The following ULK4 variants were observed in gnomAD, a reference collection of about 807,000 sequenced individuals.
ULK4 encodes inactive serine/threonine-protein kinase ULK4.
Under a neutral mutation model 160.6 loss-of-function variants are expected in ULK4, and 133 were observed. The observed-to-expected ratio is 0.83, with a 90% CI of 0.72 to 0.96. The LOEUF (loss-of-function observed/expected upper bound fraction) is 0.96. Among genes scored for constraint, ULK4 ranks in the 40% least tolerant of loss-of-function variants. The probability of loss-of-function intolerance (pLI) is 0.00; values close to 1 mark genes in which losing one functional copy is unlikely to be tolerated. For synonymous variants in ULK4, 534 were observed against 539.8 expected, an observed-to-expected ratio of 0.99 and a Z score of 0.15; for missense variants, 1,580 against 1,499.5, an observed-to-expected ratio of 1.05 and a Z score of -0.89.
chr3:41,602,320 G>C (rs1447889978), intron 31 of ULK4, among the ~76,000 whole-genome samples: 2 of 121,518 alleles, frequency 1.6e-5, no homozygotes, highest in Non-Finnish European at 3.5e-5. Flanking sequence ...GGAAAGGAAA[G>C]GAGGAAGGGA....
At chr3:41,695,178 A>G (rs748254817) in intron 27 of ULK4, among the ~76,000 whole-genome samples, 2 of 152,258 alleles carry the variant, frequency 1.3e-5, no homozygotes, top group Non-Finnish European at 2.9e-5. Context: ...GGGAACCCTC[A>G]TGATCTAATC....
chr3:41,794,675 A>AAAAAAAAAAAAAAC (rs2040247396), intron 20 of ULK4, among the ~76,000 whole-genome samples: 1 of 131,158 alleles, frequency 7.6e-6, no homozygotes, highest in African/African-American at 3.1e-5. Context: ...AAAAAAAAAA[A>AAAAAAAAAAAAAAC]AAAAAAAAAA....
chr3:41,376,901 G>C (rs1382421578), intron 35 of ULK4, among the ~76,000 whole-genome samples: 1 of 149,584 alleles, frequency 6.7e-6, no homozygotes, highest in Non-Finnish European at 1.5e-5. Context: ...AACCAAAAAA[G>C]AGCCCGCATC....
At chr3:41,938,022 T>C in intron 3 of ULK4, 76 bp downstream of exon 3, 1 of 1,162,612 alleles carries the variant, frequency 8.6e-7, no homozygotes, top group Non-Finnish European at 1.2e-6. Context: ...GTAAATAACA[T>C]CAAAAGTAAC....
chr3:41,330,893 T>A (rs1003076511), intron 35 of ULK4, among the ~76,000 whole-genome samples: 11 of 152,124 alleles, frequency 7.2e-5, no homozygotes, highest in African/African-American at 2.4e-4. Flanking sequence ...CCAGGAGAAG[T>A]GGCCAATCTC....
intron 8 of ULK4, among the ~76,000 whole-genome samples, chr3:41,914,057 A>C (rs1698888802): frequency 6.6e-6 from 1 of 152,236 alleles, no homozygotes; most frequent in African/African-American, 2.4e-5. Flanking sequence ...TTACCTAGCT[A>C]GTTCACTTGC....
chr3:41,937,278 G>T (rs1699807020), intron 3 of ULK4: 1 of 676,092 alleles, frequency 1.5e-6, no homozygotes, highest in South Asian at 1.6e-5. Context: ...CTAATTCCAG[G>T]ACTGTGTCTT....
chr3:41,849,028 A>G (rs2042140477), intron 17 of ULK4, among the ~76,000 whole-genome samples: 1 of 152,158 alleles, frequency 6.6e-6, no homozygotes, highest in Non-Finnish European at 1.5e-5. Flanking sequence ...GCCTCAGTAA[A>G]CTGTAAGGCA....
intron 34 of ULK4, among the ~76,000 whole-genome samples, chr3:41,410,316 C>A (rs2082385507): frequency 6.6e-6 from 1 of 152,134 alleles, no homozygotes; most frequent in African/African-American, 2.4e-5. Flanking sequence ...AAATGCGATA[C>A]ACTCATATAA....
At chr3:41,492,940 G>A (rs1157161596) in intron 32 of ULK4, among the ~76,000 whole-genome samples, 3 of 144,794 alleles carry the variant, frequency 2.1e-5, no homozygotes, top group Non-Finnish European at 4.5e-5. Flanking sequence ...AGTCCTGAGT[G>A]AACTACAAAG....
intron 32 of ULK4, among the ~76,000 whole-genome samples, chr3:41,545,351 T>C (rs1196724505): frequency 2.6e-5 from 4 of 152,206 alleles, no homozygotes; most frequent in Non-Finnish European, 5.9e-5. Flanking sequence ...CTGTAATTTA[T>C]CTCAAGTGTC....
At chr3:41,291,149 C>T (rs2125702758) in intron 35 of ULK4, among the ~76,000 whole-genome samples, 1 of 152,204 alleles carries the variant, frequency 6.6e-6, no homozygotes, top group African/African-American at 2.4e-5. Flanking sequence ...CCTAACCTTT[C>T]AATCTCCTGT....
intron 32 of ULK4, among the ~76,000 whole-genome samples, chr3:41,477,156 A>T (rs1050191658): frequency 6.6e-5 from 10 of 152,212 alleles, no homozygotes; most frequent in Non-Finnish European, 1.5e-4. Flanking sequence ...CATTAATTAT[A>T]ACCAACTCCT....
chr3:41,291,467 G>GGAGA (rs2079563742), intron 35 of ULK4, among the ~76,000 whole-genome samples: 1 of 133,216 alleles, frequency 7.5e-6, no homozygotes, highest in African/African-American at 2.9e-5. Flanking sequence ...AAGAAGAGGA[G>GGAGA]GGGAAGGAGA....
At chr3:41,683,149 C>T (rs145996629) in intron 27 of ULK4, among the ~76,000 whole-genome samples, 1 of 152,088 alleles carries the variant, frequency 6.6e-6, no homozygotes, top group Admixed American at 6.6e-5. Context: ...AACCCCAAGG[C>T]TTTAGTCATG....
chr3:41,912,918 T>A lies in ULK4; in HGVS notation c.804-19A>T, dbSNP rs1401666893. 2 of 1,610,988 alleles carry A rather than the reference T, an allele frequency of 1.2e-6. No homozygotes were observed. The highest frequency in any genetic ancestry group is 1.7e-6 in the Non-Finnish European group (2 of 1,177,780). On this transcript the variant is annotated intron_variant, in intron 8 of 36. Transcript: ENST00000301831. ...AGTCAATCTTTAAAAAACATAAATG[T>A]TAAAACTCTACTTTAACATGATTTA... is the stretch of plus-strand genomic sequence containing the variant.
At chr3:41,305,192 CTCTCCCTCTCCCTCTCCCCACGG>C (rs1553641000) in intron 35 of ULK4, among the ~76,000 whole-genome samples, 81 of 109,694 alleles carry the variant, frequency 7.4e-4, no homozygotes, top group East Asian at 2.1e-3. Context: ...AGGGCTCTCC[CTCTCCCTCTCCCTCTCCCCACGG>C]TCTCCCTCTC....
chr3:41,349,930 T>C (rs1466713695), intron 35 of ULK4, among the ~76,000 whole-genome samples: 1 of 152,216 alleles, frequency 6.6e-6, no homozygotes, highest in African/African-American at 2.4e-5. Flanking sequence ...AAAAAGAAGA[T>C]GAAGATTATT....
At chr3:41,328,025 C>T (rs2080369826) in intron 35 of ULK4, among the ~76,000 whole-genome samples, 1 of 152,154 alleles carries the variant, frequency 6.6e-6, no homozygotes, top group Non-Finnish European at 1.5e-5. Flanking sequence ...AAGTCAGAGC[C>T]TGAGACTGGG....
Sources: allele counts gnomAD v4.1 joint callset (sites outside exome capture counted in the v4.1 genomes callset), GRCh38; gene constraint gnomAD v4.1.1; transcripts MANE v1.5; gene names NCBI Gene and HGNC (gene_info 2026-07-23, HGNC 2026-07-21).